Variants in BRCA1 observed in about 807,000 individuals in gnomAD.
BRCA1 encodes breast cancer type 1 susceptibility protein.
A neutral mutation model predicts 173.7 loss-of-function variants in BRCA1; 140 were observed. The observed-to-expected ratio is 0.81, with a 90% CI of 0.70 to 0.93. The LOEUF (loss-of-function observed/expected upper bound fraction) is 0.93. Ranked by LOEUF, BRCA1 falls within the 40% of genes least tolerant of loss-of-function variation. BRCA1 has a pLI of 0.00. For missense variants in BRCA1, 1,983 were observed against 2,172.5 expected, an observed-to-expected ratio of 0.91 and a Z score of 1.73; for synonymous variants, 662 against 756.0, an observed-to-expected ratio of 0.88 and a Z score of 2.04.
chr17:43,144,737 G>A (rs537848730), intron 1 of BRCA1: 42 of 277,448 alleles, frequency 1.5e-4, no homozygotes, highest in South Asian at 4.3e-4. Flanking sequence ...GAGCAGCTCC[G>A]AGGGCAGGCA....
At chr17:43,101,564 G>A (rs568538427) in intron 6 of BRCA1, among the ~76,000 whole-genome samples, 46 of 151,988 alleles carry the variant, frequency 3.0e-4, no homozygotes, top group African/African-American at 9.4e-4. Context: ...GTGCAGTGGC[G>A]CGATCTTGGC....
intron 6 of BRCA1, among the ~76,000 whole-genome samples, chr17:43,102,725 T>C (rs933434191): frequency 2.0e-5 from 3 of 151,364 alleles, no homozygotes; most frequent in African/African-American, 7.3e-5. Flanking sequence ...TGATCATAGC[T>C]CACTGTAGTC....
At chr17:43,066,812 C>CTTTTT (rs34253779) in intron 16 of BRCA1, among the ~76,000 whole-genome samples, 7 of 112,272 alleles carry the variant, frequency 6.2e-5, no homozygotes, top group African/African-American at 2.6e-4. Flanking sequence ...CCCTCCAAAC[C>CTTTTT]TTTTTTTTTT....
intron 1 of BRCA1, among the ~76,000 whole-genome samples, chr17:43,141,137 C>A (rs898926228): frequency 6.6e-6 from 1 of 152,166 alleles, no homozygotes; most frequent in Middle Eastern, 3.2e-3. Context: ...ACCCCTCCCC[C>A]TCCCAGGCTA....
In BRCA1 at chr17:43,095,857, G is replaced by C. The variant is rs431825418; in HGVS notation, c.659C>G (p.Ser220Cys). Residue 220 changes from serine to cysteine, a missense_variant, in exon 9 of 23, where the codon TCT (serine) becomes TGT (cysteine). By Grantham distance (112) the Ser-to-Cys change is moderately radical (BLOSUM62 -1). Transcript: ENST00000357654. ...QGTRDEISLD[S>C]AKKAACEFSE... The stretch of plus-strand genomic sequence containing the variant: ...AACTTTGCCATTACCCTTTTTTGCA[G>C]AATCCAAACTGATTTCATCCCTGGT... 1 of 1,613,128 alleles carries C rather than the reference G, an allele frequency of 6.2e-7. No individual in the cohort carries two copies. The highest frequency in any genetic ancestry group is 2.2e-5 in the East Asian group (1 of 44,856).
At chr17:43,150,866 C>T (rs555429534) in intron 1 of BRCA1, among the ~76,000 whole-genome samples, 1 of 152,174 alleles carries the variant, frequency 6.6e-6, no homozygotes, top group Non-Finnish European at 1.5e-5. Flanking sequence ...AGTTTTAGTA[C>T]TAAAAGTCCT....
chr17:43,170,302 A>G (rs1393283831), upstream of BRCA1: 2 of 158,276 alleles, frequency 1.3e-5, no homozygotes, highest in African/African-American at 4.8e-5. Context: ...ATCAAGACAC[A>G]GTCAGAGGAA....
At chr17:43,062,923 T>C (rs1238551616) in intron 18 of BRCA1, among the ~76,000 whole-genome samples, 1 of 150,190 alleles carries the variant, frequency 6.7e-6, no homozygotes, top group Non-Finnish European at 1.5e-5. Flanking sequence ...GGAGTTTTGC[T>C]CTTGTTGCCC....
chr17:43,121,437 C>A (rs559482319), intron 2 of BRCA1, among the ~76,000 whole-genome samples: 3 of 152,044 alleles, frequency 2.0e-5, no homozygotes, highest in Admixed American at 6.6e-5. Context: ...GTAATCCCAG[C>A]ACTTTCGGAG....
At position 43,090,934 on chromosome 17, in the gene BRCA1, C is replaced by T. The variant is rs80358104; in HGVS notation, c.4185+10G>A. The stretch of plus-strand genomic sequence containing the variant: ...ACACACGCATGTGCACACACACACA[C>T]GCTTTTTACCTGAGTGGTTAAAATG... On this transcript the variant is annotated intron_variant, in intron 11 of 22. Transcript: ENST00000357654. 33 of 1,603,478 alleles carry T rather than the reference C, an allele frequency of 2.1e-5. No homozygotes were observed. Among genetic ancestry groups the T allele is most frequent in the Middle Eastern group, 1.7e-4 (1 of 6,060 alleles).
chr17:43,090,708 T>C (rs2053417110), intron 11 of BRCA1, among the ~76,000 whole-genome samples: 1 of 152,200 alleles, frequency 6.6e-6, no homozygotes. Flanking sequence ...TATGCTACAA[T>C]GAGCTAGGCA....
rs587781876 is a variant in BRCA1 at position 43,071,237 on chromosome 17, C to G, written c.4677G>C (p.Glu1559Asp). The G allele has an allele frequency of 1.9e-6, 3 of 1,613,888 alleles. No homozygotes were observed. Among genetic ancestry groups the G allele is most frequent in the Non-Finnish European group, 2.5e-6 (3 of 1,179,852 alleles). The change falls in exon 15 of 23, where the codon GAG becomes GAC. Residue 1559 changes from glutamate (E) to aspartate (D), a missense_variant and splice_region_variant. Coordinates refer to ENST00000357654, the MANE Select transcript of BRCA1 (RefSeq NM_007294.4). ...ETSYLPRQDL[E>D]GTPYLESGIS... ...TTCCAGATTCCAGGTAAGGGGTTCC[C>G]TCTGAAAGGAATGGGAGAAGTTTAA...
At chr17:43,061,428 C>CTTATTTACTT (rs1567767495) in intron 18 of BRCA1, among the ~76,000 whole-genome samples, 2 of 152,022 alleles carry the variant, frequency 1.3e-5, no homozygotes, top group Non-Finnish European at 2.9e-5. Context: ...TGAATCCTAC[C>CTTATTTACTT]AGGGACTTAG....
At chr17:43,128,225 A>G (rs1368405343), upstream of BRCA1, among the ~76,000 whole-genome samples, 1 of 152,112 alleles carries the variant, frequency 6.6e-6, no homozygotes, top group African/African-American at 2.4e-5. Context: ...TCCTGAAGCC[A>G]GCGAGACCAC....
At chr17:43,125,872 C>T (rs988880003), upstream of BRCA1, 2 of 154,394 alleles carry the variant, frequency 1.3e-5, no homozygotes, top group Non-Finnish European at 2.9e-5. Flanking sequence ...TCCTTAGAAA[C>T]TGTAGTCTTA....
At chr17:43,089,027 A>T (rs2053339978) in intron 11 of BRCA1, among the ~76,000 whole-genome samples, 1 of 152,204 alleles carries the variant, frequency 6.6e-6, no homozygotes. Flanking sequence ...AATAAAAATT[A>T]GGAGGCCAGG....
chr17:43,122,781 T>C (rs1441048958), intron 2 of BRCA1, among the ~76,000 whole-genome samples: 1 of 151,844 alleles, frequency 6.6e-6, no homozygotes, highest in East Asian at 1.9e-4. Flanking sequence ...ACGCAGTGGC[T>C]TATGCCTGTA....
Position 43,092,392 on chromosome 17 carries a change from CTTCATTAATA to C in BRCA1, c.3129_3138del (p.Asn1043LysfsTer2), listed in dbSNP as rs730881462. 1 of 1,613,878 alleles carries C rather than the reference CTTCATTAATA, an allele frequency of 6.2e-7. No individual in the cohort carries two copies. Among genetic ancestry groups the C allele is most frequent in the South Asian group, 1.1e-5 (1 of 91,078 alleles). ...CCCACTTCATTAGTACTGGAACCTA[CTTCATTAATA>C]TTGCTTGAGCTGGCTTCTTTAAAAA... On this transcript the variant is annotated frameshift_variant, in exon 10 of 23. Coordinates refer to ENST00000357654, the MANE Select transcript of BRCA1 (RefSeq NM_007294.4). LOFTEE classifies it high-confidence loss of function.
chr17:43,103,473 A>C (rs1313151174), intron 6 of BRCA1, among the ~76,000 whole-genome samples: 1 of 151,834 alleles, frequency 6.6e-6, no homozygotes, highest in Non-Finnish European at 1.5e-5. Flanking sequence ...TCTCAAAAAA[A>C]AAAAAAAAAA....
Sources: gnomAD v4.1 joint callset for allele counts (sites outside exome capture counted in the v4.1 genomes callset) on GRCh38, gnomAD v4.1.1 for gene constraint, MANE v1.5 for transcripts, NCBI Gene and HGNC (gene_info 2026-07-23, HGNC 2026-07-21) for gene names.